Variants in KCND2 observed in about 807,000 individuals in gnomAD.
KCND2 encodes the protein A-type voltage-gated potassium channel KCND2.
A neutral mutation model predicts 54.4 loss-of-function variants in KCND2; 16 were observed. The ratio of observed to expected loss-of-function variants is 0.29; its 90% CI spans 0.20 to 0.45. KCND2 has a LOEUF of 0.45. KCND2 is among the 20% of genes least tolerant of loss of function. The pLI is 1.00. For missense variants in KCND2, 486 were observed against 824.2 expected, an observed-to-expected ratio of 0.59 and a Z score of 5.02; for synonymous variants, 317 against 310.7, an observed-to-expected ratio of 1.02 and a Z score of -0.21.
chr7:120,294,484 T>C (rs58086739), intron 1 of KCND2, among the ~76,000 whole-genome samples: 2,157 of 151,896 alleles, frequency 0.014, 54 homozygotes, highest in African/African-American at 0.047. Flanking sequence ...TATTATCTCA[T>C]TTATAAAATC....
intron 1 of KCND2, among the ~76,000 whole-genome samples, chr7:120,486,820 A>T (rs1249049152): frequency 6.6e-6 from 1 of 152,000 alleles, no homozygotes; most frequent in African/African-American, 2.4e-5. Flanking sequence ...ATGTGTAATA[A>T]GCCCAAAATA....
At chr7:120,716,802 T>G (rs978547897) in intron 1 of KCND2, among the ~76,000 whole-genome samples, 1 of 152,106 alleles carries the variant, frequency 6.6e-6, no homozygotes, top group African/African-American at 2.4e-5. Context: ...GATGCCTGTA[T>G]GAATTCAAAG....
At chr7:120,461,556 A>G (rs1802283983) in intron 1 of KCND2, among the ~76,000 whole-genome samples, 2 of 151,834 alleles carry the variant, frequency 1.3e-5, no homozygotes, top group Admixed American at 6.6e-5. Flanking sequence ...TTTTTTCACC[A>G]TGTGTATGAT....
At chr7:120,432,506 C>T (rs1801807073) in intron 1 of KCND2, among the ~76,000 whole-genome samples, 1 of 151,706 alleles carries the variant, frequency 6.6e-6, no homozygotes, top group African/African-American at 2.4e-5. Flanking sequence ...TACACGCACA[C>T]ACACACACAC....
At chr7:120,556,592 A>T (rs1297990765) in intron 1 of KCND2, among the ~76,000 whole-genome samples, 1 of 152,214 alleles carries the variant, frequency 6.6e-6, no homozygotes, top group Admixed American at 6.5e-5. Flanking sequence ...GGTTCTTTTA[A>T]GATCTCATCA....
At position 120,386,061 on chromosome 7, in the gene KCND2, G is replaced by T. The variant is rs187434714; in HGVS notation, c.1115+110314G>T. 1.8e-3 allele frequency among the ~76,000 whole-genome samples: 278 copies of T among 152,130 alleles called. 4 individuals carry two copies. The highest frequency in any genetic ancestry group is 2.1e-4 in the Non-Finnish European group (14 of 68,006). ...GTGCAAGGCTCACCTTTTCTGTCTAGCCTCAGGAGTCTGTCAGGATGATAC... is the reference window on the plus strand; with the variant it reads ...GTGCAAGGCTCACCTTTTCTGTCTATCCTCAGGAGTCTGTCAGGATGATAC... On this transcript the variant is annotated intron_variant, in intron 1 of 5. Transcript: ENST00000331113.
intron 1 of KCND2, among the ~76,000 whole-genome samples, chr7:120,368,010 G>A (rs770822134): frequency 1.3e-4 from 20 of 152,192 alleles, no homozygotes; most frequent in African/African-American, 2.6e-4. Context: ...CCGGCAAGCC[G>A]TAACCAGGAG....
intron 1 of KCND2, among the ~76,000 whole-genome samples, chr7:120,509,904 A>G (rs944728477): frequency 6.6e-6 from 1 of 152,074 alleles, no homozygotes; most frequent in Non-Finnish European, 1.5e-5. Context: ...TCATTCTTCT[A>G]GCCAAACACT....
rs201186506 is a variant in KCND2, at chr7:120,452,687, T to TG, written c.1115+176942dup. On this transcript the variant is annotated intron_variant, in intron 1 of 5. Coordinates refer to ENST00000331113, the MANE Select transcript of KCND2 (RefSeq NM_012281.3). ...CTGACGCCCCCATGGACTCTTGAGT[T>TG]GGTGATGAGAGATGCTTAGAGCAGT... Among the ~76,000 whole-genome samples, 1,391 of 152,224 alleles carry TG rather than the reference T, an allele frequency of 9.1e-3. 20 individuals carry two copies. Among genetic ancestry groups the TG allele is most frequent in the African/African-American group, 0.032 (1,311 of 41,520 alleles).
At chr7:120,334,265 C>T (rs561763970) in intron 1 of KCND2, among the ~76,000 whole-genome samples, 1 of 152,136 alleles carries the variant, frequency 6.6e-6, no homozygotes, top group South Asian at 2.1e-4. Flanking sequence ...GTTTGGGTTG[C>T]CATTTCGAAG....
At chr7:120,731,431 TG>T (rs530112162) in intron 1 of KCND2, among the ~76,000 whole-genome samples, 72 of 152,142 alleles carry the variant, frequency 4.7e-4, no homozygotes, top group Non-Finnish European at 9.0e-4. Context: ...AATCACCATC[TG>T]GGGGCTGCAC....
At chr7:120,741,799 G>T (rs568299556) in intron 3 of KCND2, among the ~76,000 whole-genome samples, 170 bp downstream of exon 3, 2 of 152,032 alleles carry the variant, frequency 1.3e-5, no homozygotes, top group South Asian at 4.2e-4. Context: ...ATCCTTGTTG[G>T]CTGTAGAAGG....
chr7:120,545,642 G>T (rs891338209), intron 1 of KCND2, among the ~76,000 whole-genome samples: 1 of 151,482 alleles, frequency 6.6e-6, no homozygotes, highest in African/African-American at 2.4e-5. Flanking sequence ...TAAATTCTAG[G>T]CATACTCTGT....
chr7:120,713,116 A>C (rs1012171995), intron 1 of KCND2, among the ~76,000 whole-genome samples: 3 of 152,146 alleles, frequency 2.0e-5, no homozygotes, highest in Non-Finnish European at 4.4e-5. Flanking sequence ...AACTTATTAT[A>C]AATGTATTTT....
intron 1 of KCND2, among the ~76,000 whole-genome samples, chr7:120,402,720 G>A (rs934241898): frequency 6.6e-6 from 1 of 152,024 alleles, no homozygotes; most frequent in Admixed American, 6.6e-5. Flanking sequence ...AATGTTCCCA[G>A]GGACTTAAAA....
intron 1 of KCND2, among the ~76,000 whole-genome samples, chr7:120,595,172 C>T (rs1158967670): frequency 1.3e-5 from 2 of 151,730 alleles, no homozygotes; most frequent in Non-Finnish European, 2.9e-5. Context: ...ATATGTAGGC[C>T]GGGTGTGGTG....
intron 1 of KCND2, among the ~76,000 whole-genome samples, chr7:120,477,818 A>G (rs1802552597): frequency 6.6e-6 from 1 of 152,166 alleles, no homozygotes; most frequent in Non-Finnish European, 1.5e-5. Context: ...CATGTTGGAT[A>G]TTTGTATTCC....
At chr7:120,280,485 T>C (rs1335230987) in intron 1 of KCND2, among the ~76,000 whole-genome samples, 2 of 152,032 alleles carry the variant, frequency 1.3e-5, no homozygotes, top group African/African-American at 2.4e-5. Flanking sequence ...GTTATGCTAT[T>C]CTTTTTTATT....
intron 1 of KCND2, among the ~76,000 whole-genome samples, chr7:120,602,862 G>T (rs771679348): frequency 6.6e-6 from 1 of 152,188 alleles, no homozygotes; most frequent in Admixed American, 6.5e-5. Flanking sequence ...GAAGCAGTTC[G>T]TGAGAGTAAA....
Sources: allele counts gnomAD v4.1 joint callset (sites outside exome capture counted in the v4.1 genomes callset), GRCh38; gene constraint gnomAD v4.1.1; transcripts MANE v1.5; gene names NCBI Gene and HGNC (gene_info 2026-07-23, HGNC 2026-07-21).